FBRSL1: variants seen among roughly 807,000 people sequenced by gnomAD.
FBRSL1 encodes the protein fibrosin like 1, also known as fibrosin-1-like protein.
FBRSL1 carries 51 observed loss-of-function variants against 89.6 expected under a neutral mutation model. The ratio of observed to expected loss-of-function variants is 0.57; its 90% CI spans 0.45 to 0.72. The LOEUF is 0.72. Ranked by LOEUF, FBRSL1 falls within the 30% of genes least tolerant of loss-of-function variation. FBRSL1 has a pLI of 0.00. For synonymous variants in FBRSL1, 779 were observed against 681.1 expected (o/e 1.14, Z -2.24); for missense variants, 1,618 against 1,451.8 (o/e 1.11, Z -1.86).
At chr12:132,508,381 T>C (rs781653512) in intron 2 of FBRSL1, 31 bp downstream of exon 2, 2 of 1,400,064 alleles carry the variant, frequency 1.4e-6, no homozygotes, top group Non-Finnish European at 1.9e-6. Context: ...CCGGAAGCTC[T>C]GCGGCGGGTC....
At chr12:132,575,910 G>C (rs2040354347) in intron 14 of FBRSL1, among the ~76,000 whole-genome samples, 1 of 152,256 alleles carries the variant, frequency 6.6e-6, no homozygotes, top group East Asian at 1.9e-4. Flanking sequence ...GCAGTCACCA[G>C]GACAGTGGGG....
At position 132,572,309 on chromosome 12, in the gene FBRSL1, C is replaced by G; in HGVS notation, c.1399C>G (p.Leu467Val). The change falls in exon 10 of 19, where the codon CTG becomes GTG. Residue 467 changes from leucine to valine, a missense_variant. By Grantham distance (32) the Leu-to-Val change is conservative. Transcript: ENST00000680143. The part of the protein sequence containing the change: ...ECQFDKYAPK[L>V]DSPYFRHSSV... ...CCAGTTTGACAAGTATGCGCCCAAG[C>G]TGGACAGCCCCTACTTCCGACATTC... The G allele has an allele frequency of 6.4e-7, 1 of 1,551,188 alleles. No homozygotes were observed. Among genetic ancestry groups the G allele is most frequent in the South Asian group, 1.2e-5 (1 of 84,064 alleles).
At chr12:132,541,436 C>T (rs1481629132) in intron 4 of FBRSL1, among the ~76,000 whole-genome samples, 3 of 152,158 alleles carry the variant, frequency 2.0e-5, no homozygotes, top group Non-Finnish European at 4.4e-5. Context: ...GTCATGCACC[C>T]CCCCACCCCG....
intron 3 of FBRSL1, among the ~76,000 whole-genome samples, chr12:132,527,482 C>G (rs933679318): frequency 5.9e-5 from 9 of 152,240 alleles, no homozygotes; most frequent in Non-Finnish European, 5.9e-5. Context: ...TAACTCTGTC[C>G]TCCTCCCTGC....
At chr12:132,520,020 C>G (rs780542649) in intron 2 of FBRSL1, among the ~76,000 whole-genome samples, 30 of 152,032 alleles carry the variant, frequency 2.0e-4, no homozygotes, top group Non-Finnish European at 2.5e-4. Context: ...AGTTGGGCCC[C>G]TCTTCCAGTG....
At position 132,508,144 on chromosome 12, in the gene FBRSL1, T is replaced by C. The variant is rs1185555975; in HGVS notation, c.292-9T>C. On this transcript the variant is annotated splice_polypyrimidine_tract_variant and intron_variant, in intron 1 of 18. Coordinates refer to ENST00000680143, the MANE Select transcript of FBRSL1 (RefSeq NM_001367871.1). ...GCCAATTAACTGGCGTTTCCCTGTC[T>C]CCCTGCAGAAGGATATGGCCCTGAA... is the stretch of plus-strand genomic sequence containing the variant. 1 of 1,274,762 alleles carries C rather than the reference T, an allele frequency of 7.8e-7. No homozygotes were observed. The highest frequency in any genetic ancestry group is 1.1e-6 in the Non-Finnish European group (1 of 892,922). 79.0% of individuals were successfully genotyped at this position (1,274,762 alleles called of 1,614,324 possible). A position where few individuals can be genotyped will look rare whatever the true frequency, so the allele number is the denominator to read the frequency against.
intron 5 of FBRSL1, among the ~76,000 whole-genome samples, chr12:132,555,918 G>A (rs1313208060): frequency 2.0e-5 from 3 of 152,188 alleles, no homozygotes; most frequent in South Asian, 2.1e-4. Flanking sequence ...AGCCTTCAGG[G>A]CCGGTTGTGG....
intron 4 of FBRSL1, among the ~76,000 whole-genome samples, chr12:132,543,190 C>G (rs966245836): frequency 5.3e-5 from 8 of 152,348 alleles, no homozygotes; most frequent in African/African-American, 1.9e-4. Context: ...CCGCCAGCGG[C>G]TGCTGTCCTG....
chr12:132,547,307 G>A (rs950152901), intron 4 of FBRSL1, among the ~76,000 whole-genome samples: 10 of 151,452 alleles, frequency 6.6e-5, no homozygotes, highest in Non-Finnish European at 1.0e-4. Flanking sequence ...AACGGAGAAC[G>A]GACAGTCAGT....
At chr12:132,574,015 A>G (rs994084709) in intron 11 of FBRSL1, 75 bp from the exon 12 acceptor site, 5 of 1,049,980 alleles carry the variant, frequency 4.8e-6, no homozygotes, top group African/African-American at 1.7e-5. Flanking sequence ...GGCCCACGCC[A>G]GAACCAGGAA....
intron 2 of FBRSL1, among the ~76,000 whole-genome samples, chr12:132,519,899 CAAAAAAA>C (rs760671307): frequency 2.6e-5 from 3 of 114,644 alleles, no homozygotes; most frequent in Non-Finnish European, 5.3e-5. Context: ...GACTCTGTCT[CAAAAAAA>C]AAAAAAAAAA....
chr12:132,556,253 G>C (rs961438603), intron 5 of FBRSL1, among the ~76,000 whole-genome samples: 7 of 152,160 alleles, frequency 4.6e-5, no homozygotes, highest in African/African-American at 1.7e-4. Context: ...CAGGCCTTGG[G>C]GGTCTGGCCT....
chr12:132,502,093 C>G (rs985240978), intron 1 of FBRSL1, among the ~76,000 whole-genome samples: 1 of 152,206 alleles, frequency 6.6e-6, no homozygotes, highest in Admixed American at 6.5e-5. Context: ...CTGAGTGATG[C>G]GTCCCACTCA....
At chr12:132,502,879 C>G in intron 1 of FBRSL1, among the ~76,000 whole-genome samples, 1 of 147,108 alleles carries the variant, frequency 6.8e-6, no homozygotes, top group African/African-American at 2.5e-5. Flanking sequence ...TCTCCTGTCC[C>G]CGCCCTCTCC....
chr12:132,497,537 C>G (rs1306262988), intron 1 of FBRSL1, among the ~76,000 whole-genome samples: 8 of 152,112 alleles, frequency 5.3e-5, no homozygotes, highest in Non-Finnish European at 7.4e-5. Flanking sequence ...CTCCATACTC[C>G]CCTACCCAGA....
At position 132,538,688 on chromosome 12, in the gene FBRSL1, C is replaced by T. The variant is rs531752968; in HGVS notation, c.616-9315C>T. On this transcript the variant is annotated intron_variant, in intron 4 of 18. Coordinates refer to ENST00000680143, the MANE Select transcript of FBRSL1 (RefSeq NM_001367871.1). ...GCTCCAGAGCCTCACTCACCTGCAG[C>T]TCCTGGAGGCTGTGGCTGTTGGCTG... Among the ~76,000 whole-genome samples, 6 of 152,346 alleles carry T rather than the reference C, an allele frequency of 3.9e-5. No homozygotes were observed. In the East Asian group the frequency reaches 9.6e-4, roughly 24 times the overall value.
intron 4 of FBRSL1, among the ~76,000 whole-genome samples, chr12:132,540,816 C>T (rs917467388): frequency 9.2e-5 from 14 of 152,158 alleles, no homozygotes; most frequent in African/African-American, 3.1e-4. Flanking sequence ...CCCACAAGCC[C>T]AGATCCCCAG....
rs73155027 is a variant in FBRSL1, at chr12:132,560,874, C to T, written c.646-6607C>T. On this transcript the variant is annotated intron_variant, in intron 5 of 18. Transcript: ENST00000680143. Reference sequence around the variant, plus strand: ...CGTGCCTGGGTCACGTCCCTGCAGACCATGGCCGAGAAGTTAAGCGGGTCT... The same window carrying T: ...CGTGCCTGGGTCACGTCCCTGCAGATCATGGCCGAGAAGTTAAGCGGGTCT... Among the ~76,000 whole-genome samples the T allele has an allele frequency of 6.1e-3, 931 of 152,368 alleles. 7 individuals carry two copies. The highest frequency in any genetic ancestry group is 0.018 in the South Asian group (87 of 4,830).
At chr12:132,516,822 C>G (rs530495840) in intron 2 of FBRSL1, among the ~76,000 whole-genome samples, 4 of 152,340 alleles carry the variant, frequency 2.6e-5, no homozygotes, top group South Asian at 4.1e-4. Flanking sequence ...GGGCCATTAC[C>G]TGGAGGGCAG....
Sources: gnomAD v4.1 joint callset for allele counts (sites outside exome capture counted in the v4.1 genomes callset) on GRCh38, gnomAD v4.1.1 for gene constraint, MANE v1.5 for transcripts, NCBI Gene and HGNC (gene_info 2026-07-23, HGNC 2026-07-21) for gene names.